The following KANK1 variants were observed in gnomAD, a reference collection of about 807,000 sequenced individuals.
The protein encoded by KANK1 is KN motif and ankyrin repeat domains 1, also known as KN motif and ankyrin repeat domain-containing protein 1.
Under a neutral mutation model 106.2 loss-of-function variants are expected in KANK1, and 109 were observed. That is an observed-to-expected ratio of 1.03 (90% CI 0.88 to 1.20). The LOEUF (loss-of-function observed/expected upper bound fraction) is 1.20. Ranked by LOEUF, KANK1 falls within the 50% of genes most tolerant of loss-of-function variation. The pLI, the probability that KANK1 is intolerant of heterozygous loss-of-function variation, is 0.00. For missense variants in KANK1, 2,399 were observed against 1,710.7 expected, an observed-to-expected ratio of 1.40 and a Z score of -7.10; for synonymous variants, 873 against 652.2, an observed-to-expected ratio of 1.34 and a Z score of -5.16.
Position 649,282 on chromosome 9 carries a change from C to G in KANK1, c.-83-27608C>G, listed in dbSNP as rs546508671. On this transcript the variant is annotated intron_variant, in intron 1 of 11. Transcript: ENST00000382297. ...TAGGGAGATTATATGTCCCAGTTTG[C>G]CTGTCCTGGTTTATGTCTCTTGTCC... is the stretch of plus-strand genomic sequence containing the variant. Among the ~76,000 whole-genome samples, 18 of 152,204 alleles carry G rather than the reference C, an allele frequency of 1.2e-4. No individual in the cohort carries two copies. The South Asian group carries it at 3.3e-3, about 28-fold the overall frequency.
At chr9:561,925 A>G in intron 1 of KANK1, among the ~76,000 whole-genome samples, 1 of 152,364 alleles carries the variant, frequency 6.6e-6, no homozygotes, top group South Asian at 2.1e-4. Flanking sequence ...ATGGCAGGCA[A>G]CAACGCAATG....
intron 1 of KANK1, among the ~76,000 whole-genome samples, chr9:548,413 GTACT>G (rs1011400314): frequency 6.3e-4 from 96 of 152,254 alleles, no homozygotes; most frequent in African/African-American, 2.2e-3. Context: ...CGTGAACTTG[GTACT>G]TACTTCTTTG....
intron 1 of KANK1, among the ~76,000 whole-genome samples, chr9:525,081 G>A (rs1235128746): frequency 3.0e-5 from 4 of 133,488 alleles, no homozygotes; most frequent in Admixed American, 8.8e-5. Flanking sequence ...TGCAACCTCC[G>A]CCTCCTGGGT....
intron 2 of KANK1, among the ~76,000 whole-genome samples, chr9:700,316 A>G (rs1326953854): frequency 6.6e-6 from 1 of 152,192 alleles, no homozygotes; most frequent in African/African-American, 2.4e-5. Flanking sequence ...TCCTCACACA[A>G]ATTTGATACA....
intron 1 of KANK1, among the ~76,000 whole-genome samples, chr9:628,572 T>C (rs58418306): frequency 0.06 from 9,174 of 152,238 alleles, 759 homozygotes; most frequent in East Asian, 0.25. Flanking sequence ...GATTCCCTGC[T>C]TGAGGGCACT....
At chr9:558,441 T>C (rs1815461375) in intron 1 of KANK1, among the ~76,000 whole-genome samples, 1 of 152,218 alleles carries the variant, frequency 6.6e-6, no homozygotes, top group African/African-American at 2.4e-5. Context: ...TGTCAACCGA[T>C]CAATACATAG....
chr9:545,796 A>G (rs987937851), intron 1 of KANK1, among the ~76,000 whole-genome samples: 7 of 132,450 alleles, frequency 5.3e-5, no homozygotes, highest in Admixed American at 3.5e-4. Context: ...CCCAGGATGG[A>G]GCGCAGTGAC....
At chr9:665,645 ATT>A (rs1468386553) in intron 1 of KANK1, among the ~76,000 whole-genome samples, 3 of 152,050 alleles carry the variant, frequency 2.0e-5, no homozygotes, top group Non-Finnish European at 4.4e-5. Flanking sequence ...TGCTTTGGTT[ATT>A]TGTGGTTCCA....
chr9:570,853 C>G (rs1457592197), intron 1 of KANK1, among the ~76,000 whole-genome samples: 1 of 152,106 alleles, frequency 6.6e-6, no homozygotes, highest in Admixed American at 6.5e-5. Context: ...TCTCTGCATA[C>G]TATTTTAATA....
intron 3 of KANK1, among the ~76,000 whole-genome samples, chr9:476,934 G>A (rs770834647): frequency 4.6e-5 from 7 of 152,254 alleles, no homozygotes; most frequent in East Asian, 1.9e-4. Flanking sequence ...GTGTCTCCCC[G>A]AAATTAGCTC....
intron 3 of KANK1, among the ~76,000 whole-genome samples, chr9:496,342 C>T (rs166801): frequency 5.3e-5 from 8 of 152,222 alleles, no homozygotes; most frequent in African/African-American, 1.9e-4. Flanking sequence ...TCACTTGAGG[C>T]CAGGAGTTCC....
chr9:585,695 T>C (rs1823284809), intron 1 of KANK1, among the ~76,000 whole-genome samples: 2 of 151,968 alleles, frequency 1.3e-5, no homozygotes, highest in Admixed American at 1.3e-4. Flanking sequence ...GAGGGTTAAA[T>C]TGTTTGCGAG....
At chr9:714,817 G>T (rs140064783) in intron 3 of KANK1, among the ~76,000 whole-genome samples, 1 of 152,222 alleles carries the variant, frequency 6.6e-6, no homozygotes, top group South Asian at 2.1e-4. Context: ...ACCTGATTTT[G>T]CTTGTGACCA....
intron 11 of KANK1, 96 bp downstream of exon 11, chr9:744,685 T>C (rs1466611365): frequency 6.2e-7 from 1 of 1,604,652 alleles, no homozygotes; most frequent in East Asian, 2.2e-5. Context: ...AGATTTTATG[T>C]TGATTCAGAA....
At chr9:619,130 C>T (rs550481073) in intron 1 of KANK1, among the ~76,000 whole-genome samples, 3 of 152,160 alleles carry the variant, frequency 2.0e-5, no homozygotes, top group Admixed American at 1.3e-4. Flanking sequence ...CAGTTAAAAG[C>T]TTCCTTGTAG....
intron 6 of KANK1, chr9:733,948 C>G (rs896951866): frequency 2.0e-5 from 3 of 151,834 alleles, no homozygotes; most frequent in African/African-American, 7.3e-5. Flanking sequence ...GAAACCCTGT[C>G]TCTACAAATA....
At position 505,408 on chromosome 9, in the gene KANK1, C is replaced by T. The variant is rs369637417; in HGVS notation, c.-84+654C>T. Among the ~76,000 whole-genome samples the T allele has an allele frequency of 2.6e-5, 4 of 152,194 alleles. No individual in the cohort carries two copies. The East Asian group carries it at 5.8e-4, about 22-fold the overall frequency. ...GGGCGGCCCAACCCGGCGCGGGCAG[C>T]GTGGGTTTCCGAGGTCCCGCGGTTC... is the stretch of plus-strand genomic sequence containing the variant. On this transcript the variant is annotated intron_variant, in intron 1 of 11. Transcript: ENST00000382297.
intron 1 of KANK1, among the ~76,000 whole-genome samples, chr9:532,100 C>A (rs375648701): frequency 5.3e-5 from 8 of 152,180 alleles, no homozygotes; most frequent in Non-Finnish European, 8.8e-5. Flanking sequence ...CCACTCTGAG[C>A]CCCTGTGGTC....
At chr9:605,500 CA>C (rs1257837759) in intron 1 of KANK1, among the ~76,000 whole-genome samples, 1 of 151,510 alleles carries the variant, frequency 6.6e-6, no homozygotes, top group Non-Finnish European at 1.5e-5. Flanking sequence ...GAGGAAAAAC[CA>C]GTGAAGTCCT....
Sources: gnomAD v4.1 joint callset for allele counts (sites outside exome capture counted in the v4.1 genomes callset) on GRCh38, gnomAD v4.1.1 for gene constraint, MANE v1.5 for transcripts, NCBI Gene and HGNC (gene_info 2026-07-23, HGNC 2026-07-21) for gene names.